GALNT6: variants seen among roughly 807,000 people sequenced by gnomAD.
GALNT6 encodes polypeptide N-acetylgalactosaminyltransferase 6, also known as GalNAc transferase 6.
A neutral mutation model predicts 65.9 loss-of-function variants in GALNT6; 51 were observed. The ratio of observed to expected loss-of-function variants is 0.77; its 90% CI spans 0.62 to 0.98. GALNT6 has a LOEUF of 0.98. Among genes scored for constraint, GALNT6 ranks in the 50% least tolerant of loss-of-function variants. The pLI is 0.00. For synonymous variants in GALNT6, 323 were observed against 315.1 expected (o/e 1.02, Z -0.26); for missense variants, 708 against 803.3 (o/e 0.88, Z 1.43).
In GALNT6 at chr12:51,354,485, A is replaced by G; in HGVS notation, c.1763T>C (p.Leu588Pro). Residue 588 changes from leucine to proline, a missense_variant, in exon 12 of 12, where the codon CTC becomes CCC. Leu to Pro is a moderately conservative substitution (Grantham distance 98). Coordinates refer to ENST00000356317, the MANE Select transcript of GALNT6 (RefSeq NM_007210.4). The stretch of plus-strand genomic sequence containing the variant: ...GGTACCAGATCCTGAGTTCCTGATG[A>G]GCTGATCCTAAAAGATGACAAAGCA... ...DEEWELAQDQ[L>P]IRNSGSGTCL... The G allele has an allele frequency of 6.3e-7, 1 of 1,593,752 alleles. No homozygotes were observed.
At chr12:51,361,572 T>C (rs1361286618) in intron 6 of GALNT6, among the ~76,000 whole-genome samples, 1 of 152,212 alleles carries the variant, frequency 6.6e-6, no homozygotes, top group African/African-American at 2.4e-5. Context: ...AAAAAGATTC[T>C]GGCTTTCAGA....
intron 2 of GALNT6, among the ~76,000 whole-genome samples, chr12:51,388,319 C>T (rs548599170): frequency 2.8e-4 from 42 of 152,278 alleles, no homozygotes; most frequent in African/African-American, 9.9e-4. Context: ...TCAGGACAGC[C>T]GTATTCATAT....
rs1946742380 is a variant in GALNT6, at chr12:51,356,263, A to G, written c.1603-305T>C. On this transcript the variant is annotated intron_variant, in intron 10 of 11. Coordinates refer to ENST00000356317, the MANE Select transcript of GALNT6 (RefSeq NM_007210.4). Reference sequence around the variant, plus strand: ...GCTATGTTGCCCAAGCTGGTCTCAAACTCCTGAGCTCAAGTGATCCTCCCA... The same window carrying G: ...GCTATGTTGCCCAAGCTGGTCTCAAGCTCCTGAGCTCAAGTGATCCTCCCA... Among the ~76,000 whole-genome samples, 3 of 150,320 alleles carry G rather than the reference A, an allele frequency of 2.0e-5. No individual in the cohort carries two copies. The South Asian group carries it at 6.3e-4, about 32-fold the overall frequency.
intron 4 of GALNT6, among the ~76,000 whole-genome samples, chr12:51,371,742 G>A (rs543288934): frequency 6.6e-6 from 1 of 152,038 alleles, no homozygotes; most frequent in Non-Finnish European, 1.5e-5. Flanking sequence ...CTCAGCACGC[G>A]GTCTCCTCCC....
chr12:51,351,859 C>A lies in GALNT6; in HGVS notation c.*2520G>T, dbSNP rs549243665. On this transcript the variant is annotated 3_prime_UTR_variant, in exon 12 of 12. Coordinates refer to ENST00000356317, the MANE Select transcript of GALNT6 (RefSeq NM_007210.4). The stretch of plus-strand genomic sequence containing the variant: ...CTAAGGGACAACACAGGTAAGAGAA[C>A]ACAACGCGAGTTTCCTTGACCAATG... 6.6e-6 allele frequency: 1 copy of A among 152,338 alleles called. No individual in the cohort carries two copies. Among genetic ancestry groups the A allele is most frequent in the Admixed American group, 6.5e-5 (1 of 15,306 alleles). 9.4% of individuals were successfully genotyped at this position (152,338 alleles called of 1,614,324 possible).
intron 3 of GALNT6, 80 bp from the exon 4 acceptor site, chr12:51,377,447 C>T (rs1352263434): frequency 1.7e-6 from 2 of 1,176,750 alleles, no homozygotes; most frequent in Non-Finnish European, 2.5e-6. Flanking sequence ...CCAGAGACTC[C>T]CCCAGACCAT....
At chr12:51,359,652 T>G (rs1946858612) in intron 7 of GALNT6, 1 of 223,322 alleles carries the variant, frequency 4.5e-6, no homozygotes, top group South Asian at 1.8e-4. Context: ...CTCTGAGCTC[T>G]GATCACTTGG....
intron 4 of GALNT6, among the ~76,000 whole-genome samples, chr12:51,368,563 C>A (rs1947187056): frequency 6.6e-6 from 1 of 151,984 alleles, no homozygotes; most frequent in Non-Finnish European, 1.5e-5. Context: ...TGCCACCACG[C>A]CCCGCTAATT....
At chr12:51,360,432 C>T (rs1269068212) in intron 7 of GALNT6, among the ~76,000 whole-genome samples, 2 of 152,038 alleles carry the variant, frequency 1.3e-5, no homozygotes, top group East Asian at 1.9e-4. Flanking sequence ...CCACAGACAT[C>T]GCAAAAGAGT....
rs116592062 is a variant in GALNT6, at chr12:51,372,570, T to A, written c.664+4625A>T. 2.4e-3 allele frequency among the ~76,000 whole-genome samples: 364 copies of A among 151,928 alleles called. 1 individual carries two copies. Among genetic ancestry groups the A allele is most frequent in the African/African-American group, 8.4e-3 (346 of 41,424 alleles). ...GGAGAGAATTGGCTTTAGAAGAGAG[T>A]CCAGGGCAACAAGTCCAGGACAGAC... is the stretch of plus-strand genomic sequence containing the variant. On this transcript the variant is annotated intron_variant, in intron 4 of 11. Transcript: ENST00000356317.
chr12:51,371,929 A>T (rs1454915849), intron 4 of GALNT6, among the ~76,000 whole-genome samples: 2 of 152,128 alleles, frequency 1.3e-5, no homozygotes, highest in African/African-American at 4.8e-5. Flanking sequence ...ATTTTATCCC[A>T]CTGTGGACGG....
intron 2 of GALNT6, among the ~76,000 whole-genome samples, chr12:51,385,161 A>AT (rs761182424): frequency 4.0e-5 from 6 of 151,844 alleles, no homozygotes; most frequent in East Asian, 1.9e-4. Context: ...GCTAATTTTT[A>AT]TTTTTTGGTA....
At chr12:51,388,926 G>A (rs547781347) in intron 2 of GALNT6, among the ~76,000 whole-genome samples, 3 of 152,266 alleles carry the variant, frequency 2.0e-5, no homozygotes, top group South Asian at 2.1e-4. Flanking sequence ...AGTTGTTCAG[G>A]GTACGAGAGA....
chr12:51,388,071 C>A (rs1947896855), intron 2 of GALNT6, among the ~76,000 whole-genome samples: 1 of 152,144 alleles, frequency 6.6e-6, no homozygotes, highest in Non-Finnish European at 1.5e-5. Flanking sequence ...GTCCGTGAAA[C>A]AAGCCAGCCC....
intron 2 of GALNT6, among the ~76,000 whole-genome samples, chr12:51,381,753 T>TAG (rs2137773013): frequency 6.6e-6 from 1 of 152,296 alleles, no homozygotes; most frequent in East Asian, 1.9e-4. Context: ...TCAGATAATG[T>TAG]AGGTAAAATG....
chr12:51,367,615 T>C (rs375402031), intron 4 of GALNT6, among the ~76,000 whole-genome samples: 3 of 152,336 alleles, frequency 2.0e-5, no homozygotes, highest in South Asian at 4.1e-4. Flanking sequence ...GACAATTGTG[T>C]GTCCTTTTCC....
intron 2 of GALNT6, among the ~76,000 whole-genome samples, chr12:51,385,181 G>T (rs948358474): frequency 1.3e-5 from 2 of 152,022 alleles, no homozygotes; most frequent in Admixed American, 6.6e-5. Flanking sequence ...AGAGATGGGG[G>T]TCTCACTATG....
intron 2 of GALNT6, among the ~76,000 whole-genome samples, chr12:51,382,982 C>T (rs1947720544): frequency 6.6e-6 from 1 of 152,170 alleles, no homozygotes; most frequent in Non-Finnish European, 1.5e-5. Flanking sequence ...AGCACCTGAC[C>T]AGGGGAGATT....
intron 11 of GALNT6, 106 bp from the exon 12 acceptor site, chr12:51,354,598 C>G: frequency 3.0e-6 from 2 of 672,964 alleles, no homozygotes; most frequent in South Asian, 3.8e-5. Context: ...GGGAACCCCA[C>G]AAGGCACAAA....
Sources: gnomAD v4.1 joint callset for allele counts (sites outside exome capture counted in the v4.1 genomes callset) on GRCh38, gnomAD v4.1.1 for gene constraint, MANE v1.5 for transcripts, NCBI Gene and HGNC (gene_info 2026-07-23, HGNC 2026-07-21) for gene names.